The following DPP10 variants were observed in gnomAD, a reference collection of about 807,000 sequenced individuals.
DPP10 encodes the protein inactive dipeptidyl peptidase 10.
In DPP10, 33 loss-of-function variants were observed where a neutral mutation model predicts 120.9. That is an observed-to-expected ratio of 0.27 (90% CI 0.21 to 0.37). The LOEUF (loss-of-function observed/expected upper bound fraction) is 0.37. Among genes scored for constraint, DPP10 ranks in the 10% least tolerant of loss-of-function variants. The pLI, the probability that DPP10 is intolerant of heterozygous loss-of-function variation, is 1.00. For synonymous variants in DPP10, 337 were observed against 326.1 expected (o/e 1.03, Z -0.36); for missense variants, 816 against 942.8 (o/e 0.87, Z 1.76).
At chr2:115,348,917 A>T (rs1488233045) in intron 3 of DPP10, among the ~76,000 whole-genome samples, 1 of 152,134 alleles carries the variant, frequency 6.6e-6, no homozygotes, top group African/African-American at 2.4e-5. Flanking sequence ...TGTACCCACA[A>T]TTAAACCTAC....
At chr2:115,520,615 G>A (rs926429551) in intron 4 of DPP10, among the ~76,000 whole-genome samples, 6 of 151,976 alleles carry the variant, frequency 3.9e-5, no homozygotes, top group Non-Finnish European at 8.8e-5. Context: ...CAGTTCCTAA[G>A]GTTCTGCCGT....
chr2:115,792,131 A>T (rs914444654), intron 19 of DPP10, among the ~76,000 whole-genome samples: 7 of 152,122 alleles, frequency 4.6e-5, no homozygotes, highest in Admixed American at 4.6e-4. Flanking sequence ...AGTCTGTGGA[A>T]TCGGATTTCC....
intron 5 of DPP10, among the ~76,000 whole-genome samples, chr2:115,672,004 T>A (rs2089913663): frequency 6.6e-6 from 1 of 152,170 alleles, no homozygotes; most frequent in Non-Finnish European, 1.5e-5. Context: ...AAACCACTTA[T>A]AAGGCAAAAG....
At chr2:114,901,868 A>G (rs1693600520) in intron 1 of DPP10, among the ~76,000 whole-genome samples, 1 of 152,128 alleles carries the variant, frequency 6.6e-6, no homozygotes, top group Non-Finnish European at 1.5e-5. Flanking sequence ...ACAAAGCACA[A>G]TCAAAGTAAC....
chr2:115,098,671 T>C (rs2048526429), intron 1 of DPP10, among the ~76,000 whole-genome samples: 2 of 151,996 alleles, frequency 1.3e-5, no homozygotes, highest in African/African-American at 4.8e-5. Flanking sequence ...ATGCGGTGCA[T>C]GAGTGTATTA....
chr2:114,773,917 A>T (rs1681492128), intron 1 of DPP10, among the ~76,000 whole-genome samples: 3 of 152,052 alleles, frequency 2.0e-5, no homozygotes, highest in African/African-American at 7.2e-5. Flanking sequence ...TTTCAAATAG[A>T]TATCAAAAAG....
chr2:115,513,242 C>A (rs1209051287), intron 4 of DPP10, among the ~76,000 whole-genome samples: 1 of 151,730 alleles, frequency 6.6e-6, no homozygotes, highest in Non-Finnish European at 1.5e-5. Flanking sequence ...ACCTTTTTCA[C>A]CTTTTTATTT....
intron 1 of DPP10, among the ~76,000 whole-genome samples, chr2:114,995,330 T>G (rs1701010848): frequency 1.3e-5 from 2 of 152,182 alleles, no homozygotes; most frequent in South Asian, 4.1e-4. Context: ...ATCTATGTCT[T>G]GATTAAGTCT....
intron 1 of DPP10, among the ~76,000 whole-genome samples, chr2:115,226,061 T>A (rs1173362552): frequency 6.6e-6 from 1 of 151,892 alleles, no homozygotes; most frequent in African/African-American, 2.4e-5. Flanking sequence ...GAACTTAAAT[T>A]CAATTTTACT....
At chr2:114,677,343 A>C (rs2105681538) in intron 1 of DPP10, among the ~76,000 whole-genome samples, 1 of 152,264 alleles carries the variant, frequency 6.6e-6, no homozygotes, top group East Asian at 1.9e-4. Flanking sequence ...TACTTAAAGA[A>C]TTTGGATTTC....
chr2:115,286,888 A>T (rs1464551778), intron 1 of DPP10, among the ~76,000 whole-genome samples: 1 of 151,954 alleles, frequency 6.6e-6, no homozygotes, highest in Admixed American at 6.6e-5. Context: ...CATGACACTG[A>T]TATACTACAA....
intron 1 of DPP10, among the ~76,000 whole-genome samples, chr2:114,964,651 G>A (rs1217599175): frequency 6.6e-6 from 1 of 152,146 alleles, no homozygotes; most frequent in Non-Finnish European, 1.5e-5. Context: ...ATCTCCAAGG[G>A]GAGCTATATG....
chr2:115,175,816 A>G (rs1466918834), intron 1 of DPP10, among the ~76,000 whole-genome samples: 1 of 152,220 alleles, frequency 6.6e-6, no homozygotes, highest in Non-Finnish European at 1.5e-5. Flanking sequence ...CTTAATTTTA[A>G]TTAATTTAAG....
chr2:114,719,546 G>T (rs1701574074), intron 1 of DPP10, among the ~76,000 whole-genome samples: 1 of 152,168 alleles, frequency 6.6e-6, no homozygotes, highest in African/African-American at 2.4e-5. Flanking sequence ...ATCCATAAGT[G>T]GGCCTTTAAC....
chr2:115,293,870 T>G (rs1377636923), intron 1 of DPP10, among the ~76,000 whole-genome samples: 1 of 152,004 alleles, frequency 6.6e-6, no homozygotes, highest in African/African-American at 2.4e-5. Flanking sequence ...AGAAACAAAC[T>G]AAGGCTATAA....
At chr2:114,932,965 A>G (rs757170252) in intron 1 of DPP10, among the ~76,000 whole-genome samples, 1 of 152,226 alleles carries the variant, frequency 6.6e-6, no homozygotes, top group Non-Finnish European at 1.5e-5. Flanking sequence ...TGGGAAAAGC[A>G]GTACATCCTT....
intron 1 of DPP10, among the ~76,000 whole-genome samples, chr2:115,160,231 C>A (rs1270877066): frequency 1.3e-5 from 2 of 152,180 alleles, no homozygotes; most frequent in Admixed American, 6.5e-5. Flanking sequence ...ATAAATAGGT[C>A]TTTCACAATA....
chr2:115,191,502 G>C (rs1456654865), intron 1 of DPP10, among the ~76,000 whole-genome samples: 2 of 152,224 alleles, frequency 1.3e-5, no homozygotes, highest in African/African-American at 4.8e-5. Context: ...CAGAATTGAC[G>C]TGGTTACGTT....
At chr2:114,922,624 A>G (rs1223416333) in intron 1 of DPP10, among the ~76,000 whole-genome samples, 2 of 152,156 alleles carry the variant, frequency 1.3e-5, no homozygotes, top group Non-Finnish European at 2.9e-5. Context: ...GACATTTTAT[A>G]TAAGTGGTAC....
Sources: allele counts gnomAD v4.1 joint callset (sites outside exome capture counted in the v4.1 genomes callset), GRCh38; gene constraint gnomAD v4.1.1; transcripts MANE v1.5; gene names NCBI Gene and HGNC (gene_info 2026-07-23, HGNC 2026-07-21).